IRF8: variants seen among roughly 807,000 people sequenced by gnomAD.
IRF8 encodes interferon consensus sequence binding protein 1.
IRF8 carries 14 observed loss-of-function variants against 48.7 expected under a neutral mutation model. The ratio of observed to expected loss-of-function variants is 0.29; its 90% CI spans 0.19 to 0.45. The LOEUF (loss-of-function observed/expected upper bound fraction) is 0.45. Ranked by LOEUF, IRF8 falls within the 20% of genes least tolerant of loss-of-function variation. IRF8 has a pLI of 1.00. For synonymous variants in IRF8, 278 were observed against 227.3 expected (o/e 1.22, Z -2.01); for missense variants, 493 against 580.7 (o/e 0.85, Z 1.55).
In IRF8 at chr16:85,914,483, G is replaced by A. The variant is rs371657009; in HGVS notation, c.564G>A (p.Leu188=). ...WAQQPSTGVP[L]VTGYTTYDAH... ...CTGTTTCTCCTGCAGGCGTGCCGCT[G>A]GTGACGGGGTACACCACCTACGACG... The change falls in exon 6 of 9, where the codon CTG becomes CTA. Residue 188 remains leucine (L), a synonymous_variant. Transcript: ENST00000268638. The A allele has an allele frequency of 2.0e-5, 33 of 1,614,032 alleles. No individual in the cohort carries two copies. The highest frequency in any genetic ancestry group is 2.6e-5 in the Non-Finnish European group (31 of 1,180,028).
chr16:85,917,217 G>C (rs1407285057), intron 6 of IRF8, among the ~76,000 whole-genome samples: 1 of 152,180 alleles, frequency 6.6e-6, no homozygotes, highest in Non-Finnish European at 1.5e-5. Flanking sequence ...AACTTGTGTG[G>C]CTCCACAAGG....
chr16:85,914,268 C>T, intron 5 of IRF8: 1 of 626,738 alleles, frequency 1.6e-6, no homozygotes, highest in Non-Finnish European at 2.9e-6. Context: ...CCCGACTTGC[C>T]ACTCTGGTTT....
At chr16:85,918,837 C>G (rs1365047951) in intron 7 of IRF8, 34 bp downstream of exon 7, 2 of 1,601,872 alleles carry the variant, frequency 1.2e-6, no homozygotes, top group Admixed American at 1.7e-5. Flanking sequence ...GCCCCCACAT[C>G]TTAGAGATCA....
intron 1 of IRF8, among the ~76,000 whole-genome samples, chr16:85,899,999 A>G (rs1329673545): frequency 2.0e-5 from 3 of 152,164 alleles, no homozygotes; most frequent in African/African-American, 7.2e-5. Flanking sequence ...TTTTTAAACC[A>G]AAGGTAAGAA....
intron 1 of IRF8, 188 bp from the exon 2 acceptor site, chr16:85,902,827 G>T (rs1904867732): frequency 1.5e-6 from 1 of 666,900 alleles, no homozygotes; most frequent in East Asian, 2.7e-5. Flanking sequence ...TGCACTCAGG[G>T]CTGTGAGGTC....
At chr16:85,913,354 G>A (rs1905203615) in intron 5 of IRF8, 118 bp downstream of exon 5, 4 of 768,016 alleles carry the variant, frequency 5.2e-6, no homozygotes, top group African/African-American at 3.4e-5. Flanking sequence ...CTCATTAAAG[G>A]TAGCTCAGCC....
At chr16:85,913,928 G>C in intron 5 of IRF8, 1 of 177,260 alleles carries the variant, frequency 5.6e-6, no homozygotes, top group Non-Finnish European at 1.2e-5. Context: ...GCCGGTGAAT[G>C]TGTTTGCTTC....
intron 6 of IRF8, 54 bp downstream of exon 6, chr16:85,914,574 C>G: frequency 6.2e-7 from 1 of 1,603,966 alleles, no homozygotes; most frequent in African/African-American, 1.3e-5. Context: ...AGACAAAGCC[C>G]AGATAACCCA....
chr16:85,914,541 A>T (rs377351151), intron 6 of IRF8, 21 bp downstream of exon 6: 1 of 1,613,838 alleles, frequency 6.2e-7, no homozygotes, highest in South Asian at 1.1e-5. Context: ...GTCCGGGCTG[A>T]GAGGGGCGTG....
intron 6 of IRF8, among the ~76,000 whole-genome samples, chr16:85,917,080 A>G (rs11117415): frequency 0.12 from 18,616 of 152,174 alleles, 1,790 homozygotes; most frequent in African/African-American, 0.26. Context: ...GCAGAGCCCA[A>G]TGGGAGGGTC....
intron 2 of IRF8, among the ~76,000 whole-genome samples, chr16:85,907,437 T>C (rs1326963402): frequency 6.6e-6 from 1 of 152,178 alleles, no homozygotes; most frequent in East Asian, 1.9e-4. Context: ...CCCAGCACTT[T>C]GGGAGGCCGA....
At chr16:85,920,350 G>T in intron 8 of IRF8, 126 bp downstream of exon 8, 1 of 659,180 alleles carries the variant, frequency 1.5e-6, no homozygotes, top group Non-Finnish European at 2.6e-6. Flanking sequence ...GGGTTCAAGT[G>T]ATTCTCCTGC....
chr16:85,921,519 T>A lies in IRF8; in HGVS notation c.*237T>A, dbSNP rs2143062848. The A allele has an allele frequency of 1.8e-6, 1 of 552,798 alleles. No individual in the cohort carries two copies. 34.2% of individuals were successfully genotyped at this position (552,798 alleles called of 1,614,324 possible). On this transcript the variant is annotated 3_prime_UTR_variant, in exon 9 of 9. Transcript: ENST00000268638. ...TGTAACCACAACCTGTGGCTAAAAATTTTATTTTCTATCCTTTACCCGTCA... is the reference window on the plus strand; with the variant it reads ...TGTAACCACAACCTGTGGCTAAAAAATTTATTTTCTATCCTTTACCCGTCA...
chr16:85,910,684 C>T (rs937451580), intron 3 of IRF8, among the ~76,000 whole-genome samples: 9 of 152,144 alleles, frequency 5.9e-5, no homozygotes, highest in African/African-American at 1.7e-4. Flanking sequence ...AGCAATGTAG[C>T]ATTTGCATAA....
chr16:85,903,292 A>G (rs1024051876), intron 2 of IRF8, 103 bp downstream of exon 2: 30 of 1,177,300 alleles, frequency 2.5e-5, no homozygotes, highest in Non-Finnish European at 3.4e-5. Context: ...CTTAAAAATT[A>G]ATCCAGTTTT....
In IRF8 at chr16:85,921,782, T is replaced by A. The variant is rs543431868; in HGVS notation, c.*500T>A. On this transcript the variant is annotated 3_prime_UTR_variant, in exon 9 of 9. Transcript: ENST00000268638. ...TACTTTTATGCATTTTAATAAGATTTAAAAATATTTAGATTAAAGCCCCCT... is the reference window on the plus strand; with the variant it reads ...TACTTTTATGCATTTTAATAAGATTAAAAAATATTTAGATTAAAGCCCCCT... The A allele has an allele frequency of 1.5e-4, 27 of 185,644 alleles. No homozygotes were observed. In the South Asian group the frequency reaches 3.0e-3, roughly 20 times the overall value. 11.5% of individuals were successfully genotyped at this position (185,644 alleles called of 1,614,324 possible).
chr16:85,899,859 T>C (rs750124657), intron 1 of IRF8, among the ~76,000 whole-genome samples: 3 of 152,322 alleles, frequency 2.0e-5, no homozygotes, highest in Admixed American at 6.5e-5. Flanking sequence ...TCCCAATACA[T>C]AGGACAGACT....
intron 6 of IRF8, 56 bp downstream of exon 6, chr16:85,914,576 G>A (rs1386827150): frequency 5.0e-6 from 8 of 1,600,772 alleles, no homozygotes; most frequent in Non-Finnish European, 6.8e-6. Flanking sequence ...ACAAAGCCCA[G>A]ATAACCCAAG....
At chr16:85,909,239 ACTTG>A in intron 3 of IRF8, 66 bp downstream of exon 3, 4 of 1,386,684 alleles carry the variant, frequency 2.9e-6, no homozygotes, top group Non-Finnish European at 4.1e-6. Flanking sequence ...TCACCACAGA[ACTTG>A]GGTCTGGGGT....
Sources: allele counts gnomAD v4.1 joint callset (sites outside exome capture counted in the v4.1 genomes callset), GRCh38; gene constraint gnomAD v4.1.1; transcripts MANE v1.5; gene names NCBI Gene and HGNC (gene_info 2026-07-23, HGNC 2026-07-21).